Variants in CSMD1 observed in about 807,000 individuals in gnomAD.
CSMD1 encodes the protein CUB and Sushi multiple domains 1, also known as CUB and sushi domain-containing protein 1.
CSMD1 carries 213 observed loss-of-function variants against 417.5 expected under a neutral mutation model. The ratio of observed to expected loss-of-function variants is 0.51; its 90% CI spans 0.46 to 0.57. The LOEUF is 0.57. Ranked by LOEUF, CSMD1 falls within the 20% of genes least tolerant of loss-of-function variation. The pLI is 0.00. For missense variants in CSMD1, 6,923 were observed against 4,529.7 expected, an observed-to-expected ratio of 1.53 and a Z score of -15.17; for synonymous variants, 2,862 against 1,736.8, an observed-to-expected ratio of 1.65 and a Z score of -16.11.
intron 3 of CSMD1, among the ~76,000 whole-genome samples, chr8:4,351,573 A>T (rs1254063405): frequency 5.3e-5 from 8 of 152,216 alleles, no homozygotes; most frequent in Admixed American, 5.2e-4. Context: ...TTTAAAATGC[A>T]TGTTTTATGC....
At chr8:2,939,568 A>C (rs1801718935) in intron 69 of CSMD1, among the ~76,000 whole-genome samples, 1 of 152,212 alleles carries the variant, frequency 6.6e-6, no homozygotes, top group South Asian at 2.1e-4. Flanking sequence ...AGAAGAAATC[A>C]GGTAAGAAAA....
chr8:4,042,815 T>TTAAAAAAAAAAAA (rs1487345501), intron 3 of CSMD1, among the ~76,000 whole-genome samples: 17 of 41,312 alleles, frequency 4.1e-4, no homozygotes, highest in Non-Finnish European at 6.8e-4. Context: ...TACAACATAT[T>TTAAAAAAAAAAAA]AAAAAAAAAA....
intron 5 of CSMD1, among the ~76,000 whole-genome samples, chr8:3,847,607 G>C (rs1182089242): frequency 6.6e-6 from 1 of 152,126 alleles, no homozygotes; most frequent in African/African-American, 2.4e-5. Flanking sequence ...AGGGGTCCTT[G>C]ATTCCAGACC....
intron 5 of CSMD1, among the ~76,000 whole-genome samples, chr8:3,934,646 G>A (rs1018238639): frequency 2.0e-5 from 3 of 152,032 alleles, no homozygotes; most frequent in Non-Finnish European, 2.9e-5. Flanking sequence ...CTCAGGTCAG[G>A]AGTTCGAGAC....
intron 17 of CSMD1, among the ~76,000 whole-genome samples, chr8:3,388,681 T>C (rs1811157413): frequency 6.6e-6 from 1 of 152,210 alleles, no homozygotes. Context: ...AAACTGTTTT[T>C]CTAACAAATT....
At chr8:3,819,299 C>A (rs1464663618) in intron 5 of CSMD1, among the ~76,000 whole-genome samples, 1 of 152,138 alleles carries the variant, frequency 6.6e-6, no homozygotes, top group Non-Finnish European at 1.5e-5. Context: ...GAATAAGTCA[C>A]AGGAAGCTAT....
intron 1 of CSMD1, among the ~76,000 whole-genome samples, chr8:4,866,142 A>G (rs1802408174): frequency 1.3e-5 from 2 of 151,984 alleles, no homozygotes; most frequent in South Asian, 2.1e-4. Context: ...ATGTCATCCT[A>G]TGCTGCAAAG....
intron 3 of CSMD1, among the ~76,000 whole-genome samples, chr8:4,083,644 A>T (rs1430864392): frequency 6.6e-6 from 1 of 152,176 alleles, no homozygotes; most frequent in Non-Finnish European, 1.5e-5. Flanking sequence ...CCATATGTAG[A>T]AAGCTGAAAC....
chr8:4,212,123 G>T (rs1800346935), intron 3 of CSMD1, among the ~76,000 whole-genome samples: 1 of 151,120 alleles, frequency 6.6e-6, no homozygotes, highest in Admixed American at 6.6e-5. Flanking sequence ...AGACCATGTA[G>T]GAGAAGAAGT....
chr8:4,669,583 T>C (rs1805164436), intron 1 of CSMD1, among the ~76,000 whole-genome samples: 1 of 152,220 alleles, frequency 6.6e-6, no homozygotes, highest in Non-Finnish European at 1.5e-5. Context: ...AGAAGCACTC[T>C]GGAAGCATTA....
chr8:3,218,872 C>G (rs1798038849), intron 29 of CSMD1, among the ~76,000 whole-genome samples: 2 of 149,462 alleles, frequency 1.3e-5, no homozygotes, highest in South Asian at 4.2e-4. Flanking sequence ...AACTCTGTCT[C>G]AAGAAAAAAG....
chr8:3,830,196 A>G (rs1802293646), intron 5 of CSMD1, among the ~76,000 whole-genome samples: 1 of 152,218 alleles, frequency 6.6e-6, no homozygotes, highest in Non-Finnish European at 1.5e-5. Flanking sequence ...AAGTGGAACA[A>G]GGATTGTTTG....
At chr8:3,889,632 G>A (rs1806818280) in intron 5 of CSMD1, among the ~76,000 whole-genome samples, 1 of 150,800 alleles carries the variant, frequency 6.6e-6, no homozygotes, top group African/African-American at 2.4e-5. Flanking sequence ...AGTGTGAAGA[G>A]GAAATCAAGA....
rs545494701 is a variant in CSMD1, at chr8:4,386,937, T to C, written c.415+33016A>G. ...ACTTCGAGGCAGATAATACTATTGATAGAAAAATCATGAAGTGTAATATGT... is the reference window on the plus strand; with the variant it reads ...ACTTCGAGGCAGATAATACTATTGACAGAAAAATCATGAAGTGTAATATGT... On this transcript the variant is annotated intron_variant, in intron 3 of 69. Coordinates refer to ENST00000635120, the MANE Select transcript of CSMD1 (RefSeq NM_033225.6). 1.6e-3 allele frequency among the ~76,000 whole-genome samples: 239 copies of C among 152,334 alleles called. 2 individuals are homozygous for C. The highest frequency in any genetic ancestry group is 5.8e-3 in the South Asian group (28 of 4,828).
intron 3 of CSMD1, among the ~76,000 whole-genome samples, chr8:4,272,277 T>G (rs1804652221): frequency 6.6e-6 from 1 of 152,166 alleles, no homozygotes; most frequent in African/African-American, 2.4e-5. Context: ...TTAAGAAAAC[T>G]TATAAATAGA....
chr8:4,728,822 A>G (rs1809645641), intron 1 of CSMD1, among the ~76,000 whole-genome samples: 1 of 152,070 alleles, frequency 6.6e-6, no homozygotes, highest in Non-Finnish European at 1.5e-5. Context: ...AGTTCAAAAC[A>G]CCTCGAAACA....
At chr8:3,615,190 T>C (rs1451630326) in intron 8 of CSMD1, among the ~76,000 whole-genome samples, 1 of 152,128 alleles carries the variant, frequency 6.6e-6, no homozygotes, top group Non-Finnish European at 1.5e-5. Context: ...CAACTCTTCC[T>C]CTGGAGAACT....
At chr8:4,303,238 G>C (rs1365884143) in intron 3 of CSMD1, among the ~76,000 whole-genome samples, 1 of 152,056 alleles carries the variant, frequency 6.6e-6, no homozygotes, top group Non-Finnish European at 1.5e-5. Context: ...TTTCAGATAA[G>C]TATTCTCTAC....
intron 64 of CSMD1, 118 bp downstream of exon 64, chr8:2,955,471 G>C (rs190643569): frequency 1.1e-6 from 1 of 905,946 alleles, no homozygotes; most frequent in South Asian, 1.8e-5. Context: ...GGCAGGTGGC[G>C]ATGCTGCAGC....
Sources: allele counts gnomAD v4.1 joint callset (sites outside exome capture counted in the v4.1 genomes callset), GRCh38; gene constraint gnomAD v4.1.1; transcripts MANE v1.5; gene names NCBI Gene and HGNC (gene_info 2026-07-23, HGNC 2026-07-21).